HORMAD2: variants seen among roughly 807,000 people sequenced by gnomAD.
HORMAD2 encodes the protein HORMA domain-containing protein 2.
Under a neutral mutation model 38.8 loss-of-function variants are expected in HORMAD2, and 45 were observed. That is an observed-to-expected ratio of 1.16 (90% confidence interval 0.91 to 1.49). HORMAD2 has a LOEUF of 1.49. Ranked by LOEUF, HORMAD2 falls within the 40% of genes most tolerant of loss-of-function variation. The pLI, the probability that HORMAD2 is intolerant of heterozygous loss-of-function variation, is 0.00. For synonymous variants in HORMAD2, 126 were observed against 122.8 expected, an observed-to-expected ratio of 1.03 and a Z score of -0.17; for missense variants, 338 against 367.0, an observed-to-expected ratio of 0.92 and a Z score of 0.65.
At chr22:30,192,270 G>A in the HORMAD2 span, 2 of 152,288 alleles carry the variant, frequency 1.3e-5, no homozygotes, top group Admixed American at 6.5e-5. Flanking sequence ...ACAGTTTAAC[G>A]TATACCTCAG....
Position 30,098,873 on chromosome 22 carries a change from A to G in HORMAD2, c.73A>G (p.Ile25Val). The G allele has an allele frequency of 6.2e-7, 1 of 1,611,490 alleles. No individual in the cohort carries two copies. Among genetic ancestry groups the G allele is most frequent in the Non-Finnish European group, 8.5e-7 (1 of 1,178,800 alleles). The change falls in exon 3 of 11, where the codon ATC becomes GTC. Residue 25 changes from isoleucine (I) to valine (V), a missense_variant. Transcript: ENST00000336726. ...CCAGGAAACAGTTTTCCCATCCCAA[A>G]TCACTAATGAGCATGAGTCATTGAA... is the stretch of plus-strand genomic sequence containing the variant. ...ASKETVFPSQ[I>V]TNEHESLKMV... is the part of the protein sequence containing the mutation.
At chr22:30,186,764 T>C in the HORMAD2 span, among the ~76,000 whole-genome samples, 1 of 152,166 alleles carries the variant, frequency 6.6e-6, no homozygotes, top group Non-Finnish European at 1.5e-5. Context: ...CTATCAACTC[T>C]TGGGCAAGGG....
rs550695886 is a variant in HORMAD2, at chr22:30,086,803, A to T, written c.-38+6312A>T. On this transcript the variant is annotated intron_variant, in intron 1 of 10. Transcript: ENST00000336726. Reference sequence around the variant, plus strand: ...ATTTGAGATATATATATATATATGTATGTGCAGGGGGACAGGGTTTCACTC... The same window carrying T: ...ATTTGAGATATATATATATATATGTTTGTGCAGGGGGACAGGGTTTCACTC... Among the ~76,000 whole-genome samples, 151 of 152,112 alleles carry T rather than the reference A, an allele frequency of 9.9e-4. 2 individuals are homozygous for T. In the South Asian group the frequency reaches 0.015, roughly 15 times the overall value.
At chr22:30,120,976 T>C (rs1256193669) in intron 8 of HORMAD2, among the ~76,000 whole-genome samples, 3 of 152,190 alleles carry the variant, frequency 2.0e-5, no homozygotes, top group African/African-American at 7.2e-5. Context: ...GTCTTTGAAT[T>C]TGATTGAAAA....
At chr22:30,080,168 G>C (rs1399666107), upstream of HORMAD2, 1 of 152,392 alleles carries the variant, frequency 6.6e-6, no homozygotes, top group Non-Finnish European at 1.5e-5. Context: ...CCCGGAGCAG[G>C]CTGTCGTTGT....
rs148879182 is a variant in HORMAD2, at chr22:30,118,606, C to T, written c.343-374C>T. ...CAGGGACCTTTTCTGTCTTGTTCAC[C>T]GCTGTGACTCCAGTGACTGGCACAA... On this transcript the variant is annotated intron_variant, in intron 7 of 10. Coordinates refer to ENST00000336726, the MANE Select transcript of HORMAD2 (RefSeq NM_152510.4). Among the ~76,000 whole-genome samples, 514 of 152,264 alleles carry T rather than the reference C, an allele frequency of 3.4e-3. 3 individuals are homozygous for T. The highest frequency in any genetic ancestry group is 5.8e-3 in the Non-Finnish European group (396 of 68,036).
intron 1 of HORMAD2, among the ~76,000 whole-genome samples, chr22:30,086,946 C>T (rs893118664): frequency 2.6e-5 from 4 of 152,168 alleles, no homozygotes; most frequent in Non-Finnish European, 5.9e-5. Flanking sequence ...AGGCATGTGC[C>T]ACTACGCCCA....
the HORMAD2 span, among the ~76,000 whole-genome samples, chr22:30,197,233 G>A: frequency 1.3e-5 from 2 of 151,944 alleles, no homozygotes; most frequent in Non-Finnish European, 1.5e-5. Context: ...TTCTGAACTG[G>A]ACCTAGGTTT....
intron 3 of HORMAD2, 113 bp from the exon 4 acceptor site, chr22:30,103,324 C>A: frequency 3.0e-6 from 2 of 655,784 alleles, no homozygotes; most frequent in Non-Finnish European, 2.7e-6. Flanking sequence ...AGCTATAAAA[C>A]TAAATAAATT....
intron 10 of HORMAD2, among the ~76,000 whole-genome samples, chr22:30,134,580 C>T (rs180948387): frequency 1.3e-3 from 199 of 151,078 alleles, no homozygotes; most frequent in African/African-American, 4.0e-3. Flanking sequence ...GAAGTCTTAG[C>T]TCTCAATTTT....
chr22:30,092,345 C>CTTTTTTTTTT (rs34673975), intron 1 of HORMAD2, among the ~76,000 whole-genome samples: 3 of 107,950 alleles, frequency 2.8e-5, no homozygotes, highest in South Asian at 3.0e-4. Flanking sequence ...AGATCCTTTG[C>CTTTTTTTTTT]TTTTTTTTTT....
chr22:30,130,324 G>A (rs984781517), intron 10 of HORMAD2, among the ~76,000 whole-genome samples: 1 of 152,078 alleles, frequency 6.6e-6, no homozygotes, highest in Non-Finnish European at 1.5e-5. Flanking sequence ...AAGATCCAAG[G>A]AATAATGTGA....
intron 10 of HORMAD2, among the ~76,000 whole-genome samples, chr22:30,125,419 G>C (rs1193773205): frequency 6.7e-6 from 1 of 150,206 alleles, no homozygotes; most frequent in African/African-American, 2.4e-5. Context: ...GTAGAGACAG[G>C]GTTTCTCCAT....
chr22:30,181,643 A>C (rs1474213972), downstream of HORMAD2, among the ~76,000 whole-genome samples: 1 of 152,260 alleles, frequency 6.6e-6, no homozygotes, highest in Non-Finnish European at 1.5e-5. Context: ...AGCTGTCTTT[A>C]AATTTATGAA....
chr22:30,193,421 C>A, the HORMAD2 span, among the ~76,000 whole-genome samples: 5 of 152,136 alleles, frequency 3.3e-5, no homozygotes, highest in East Asian at 9.6e-4. Flanking sequence ...CAGAAACAAA[C>A]ACCAGAAAAA....
At chr22:30,139,157 T>C (rs1923878916) in intron 10 of HORMAD2, among the ~76,000 whole-genome samples, 1 of 151,196 alleles carries the variant, frequency 6.6e-6, no homozygotes, top group South Asian at 2.1e-4. Flanking sequence ...GTCTCATGCC[T>C]GCTGGTTCAC....
intron 10 of HORMAD2, among the ~76,000 whole-genome samples, chr22:30,163,138 T>C (rs1925556826): frequency 6.6e-6 from 1 of 152,220 alleles, no homozygotes; most frequent in Non-Finnish European, 1.5e-5. Context: ...AACTGTGGCA[T>C]AGTAATCCTT....
At chr22:30,157,294 C>A (rs1925138742) in intron 10 of HORMAD2, among the ~76,000 whole-genome samples, 1 of 152,186 alleles carries the variant, frequency 6.6e-6, no homozygotes, top group African/African-American at 2.4e-5. Flanking sequence ...CCAAAGAAAC[C>A]AGGTCTCACA....
At chr22:30,140,158 G>T (rs898846312) in intron 10 of HORMAD2, among the ~76,000 whole-genome samples, 2 of 152,142 alleles carry the variant, frequency 1.3e-5, no homozygotes, top group African/African-American at 2.4e-5. Context: ...CAGCTACTTG[G>T]GGGGCTGAGG....
Sources: allele counts gnomAD v4.1 joint callset (sites outside exome capture counted in the v4.1 genomes callset), GRCh38; gene constraint gnomAD v4.1.1; transcripts MANE v1.5; gene names NCBI Gene and HGNC (gene_info 2026-07-23, HGNC 2026-07-21).